Variants in SARNP observed in about 807,000 individuals in gnomAD.
The protein encoded by SARNP is SAP domain containing ribonucleoprotein.
In SARNP, 5 loss-of-function variants were observed where a neutral mutation model predicts 38.1. That is an observed-to-expected ratio of 0.13 (90% CI 0.07 to 0.28). The LOEUF (loss-of-function observed/expected upper bound fraction) is 0.28, where lower values mean the gene tolerates loss of function less well. SARNP is among the 10% of genes least tolerant of loss of function. The pLI is 1.00. For missense variants in SARNP, 180 were observed against 243.9 expected (o/e 0.74, Z 1.75); for synonymous variants, 84 against 80.6 (o/e 1.04, Z -0.23).
intron 8 of SARNP, 81 bp downstream of exon 8, chr12:55,790,486 A>C: frequency 7.1e-7 from 1 of 1,408,826 alleles, no homozygotes; most frequent in South Asian, 1.4e-5. Flanking sequence ...AGTTTCCTCT[A>C]ATCTGGGGAG....
intron 9 of SARNP, among the ~76,000 whole-genome samples, chr12:55,764,328 TC>T (rs761333746): frequency 6.6e-6 from 1 of 151,934 alleles, no homozygotes; most frequent in Non-Finnish European, 1.5e-5. Flanking sequence ...GGTCGGGAGT[TC>T]GAGACCAGCC....
At chr12:55,801,279 A>C (rs761137690) in intron 2 of SARNP, among the ~76,000 whole-genome samples, 142 of 152,120 alleles carry the variant, frequency 9.3e-4, no homozygotes, top group Non-Finnish European at 1.7e-3. Context: ...CGTCTTTACA[A>C]AAAACATAAA....
intron 9 of SARNP, among the ~76,000 whole-genome samples, chr12:55,777,782 T>C (rs1879225794): frequency 6.6e-6 from 1 of 152,188 alleles, no homozygotes. Flanking sequence ...TAGGGAATAG[T>C]GGGACAGTAG....
downstream of SARNP, chr12:55,756,215 G>A (rs1471117358): frequency 6.6e-6 from 1 of 152,184 alleles, no homozygotes; most frequent in African/African-American, 2.4e-5. Flanking sequence ...GGTTTATTTG[G>A]TTGAAGAGGT....
intron 9 of SARNP, among the ~76,000 whole-genome samples, chr12:55,788,045 G>A (rs1879556700): frequency 6.6e-6 from 1 of 152,112 alleles, no homozygotes; most frequent in South Asian, 2.1e-4. Flanking sequence ...CACCACGCCT[G>A]GCCCGATTTT....
intron 1 of SARNP, among the ~76,000 whole-genome samples, chr12:55,808,809 G>A (rs1051556671): frequency 2.0e-5 from 3 of 151,082 alleles, no homozygotes; most frequent in Non-Finnish European, 4.4e-5. Flanking sequence ...TAAAACAGCT[G>A]AAAATGATGT....
At position 55,796,006 on chromosome 12, in the gene SARNP, T is replaced by C. The variant is rs1439056212; in HGVS notation, c.303+19A>G. ...GAGAGAAATGTAGAGACTGTTCTAC[T>C]AGGGAGCAGAATACCTACCTCAGTC... On this transcript the variant is annotated intron_variant, in intron 5 of 10. Coordinates refer to ENST00000336133, the MANE Select transcript of SARNP (RefSeq NM_033082.4). 5.8e-6 allele frequency: 9 copies of C among 1,555,790 alleles called. No homozygotes were observed. The highest frequency in any genetic ancestry group is 1.4e-5 in the African/African-American group (1 of 73,750).
At position 55,816,318 on chromosome 12, in the gene SARNP, A is replaced by G. The variant is rs77042948; in HGVS notation, c.36+1348T>C. On this transcript the variant is annotated intron_variant, in intron 1 of 10. Coordinates refer to ENST00000336133, the MANE Select transcript of SARNP (RefSeq NM_033082.4). ...AACAGTCCAGAAGTATACAATTTCT[A>G]TAAGTACAGTATATATAAACAAAGT... 2.7e-3 allele frequency among the ~76,000 whole-genome samples: 413 copies of G among 152,352 alleles called. 5 individuals are homozygous for G. The East Asian group carries it at 0.035, about 13-fold the overall frequency.
intron 1 of SARNP, among the ~76,000 whole-genome samples, chr12:55,807,167 A>G (rs1880172039): frequency 6.6e-6 from 1 of 152,190 alleles, no homozygotes; most frequent in South Asian, 2.1e-4. Context: ...TACTTTCGCA[A>G]TAACAATAAA....
chr12:55,815,734 G>T (rs1026024609), intron 1 of SARNP, among the ~76,000 whole-genome samples: 2 of 152,156 alleles, frequency 1.3e-5, no homozygotes, highest in Non-Finnish European at 2.9e-5. Context: ...AAAGTGCTAG[G>T]ATTACAGACG....
At chr12:55,779,907 G>A (rs943555789) in intron 9 of SARNP, among the ~76,000 whole-genome samples, 2 of 152,294 alleles carry the variant, frequency 1.3e-5, no homozygotes, top group Non-Finnish European at 2.9e-5. Context: ...AGCAGTTTGC[G>A]AGACCAAGGC....
At chr12:55,767,736 A>G (rs192086266) in intron 9 of SARNP, among the ~76,000 whole-genome samples, 380 of 150,642 alleles carry the variant, frequency 2.5e-3, no homozygotes, top group African/African-American at 8.8e-3. Context: ...AGTCCCAGCT[A>G]CTCGGGAGGC....
chr12:55,809,062 C>T (rs539962638), intron 1 of SARNP, among the ~76,000 whole-genome samples: 42 of 152,028 alleles, frequency 2.8e-4, no homozygotes, highest in African/African-American at 9.9e-4. Context: ...CAAAAACAGC[C>T]AGGCATGGTG....
intron 9 of SARNP, among the ~76,000 whole-genome samples, chr12:55,776,208 G>A (rs548774026): frequency 6.6e-6 from 1 of 152,122 alleles, no homozygotes; most frequent in Non-Finnish European, 1.5e-5. Flanking sequence ...ACTTTGAGAG[G>A]CAAGAGGACT....
intron 1 of SARNP, chr12:55,815,979 C>G (rs1880470654): frequency 6.6e-6 from 1 of 152,236 alleles, no homozygotes; most frequent in South Asian, 2.1e-4. Context: ...GATTAAAGAG[C>G]AAGTCCTTTT....
In SARNP at chr12:55,772,037, C is replaced by T. The variant is rs61509415; in HGVS notation, c.502-11397G>A. Among the ~76,000 whole-genome samples the T allele has an allele frequency of 5.6e-3, 857 of 152,260 alleles. 3 individuals are homozygous for T. Among genetic ancestry groups the T allele is most frequent in the African/African-American group, 0.019 (798 of 41,540 alleles). The stretch of plus-strand genomic sequence containing the variant: ...AAAACACAGCTGTCACCTCCCCTGC[C>T]CCAGTTTCTGAAACTGTTTATTCCC... On this transcript the variant is annotated intron_variant, in intron 9 of 10. Transcript: ENST00000336133.
intron 9 of SARNP, among the ~76,000 whole-genome samples, chr12:55,775,334 TG>T (rs1158323167): frequency 2.6e-4 from 38 of 144,196 alleles, no homozygotes; most frequent in African/African-American, 9.6e-4. Flanking sequence ...CTGAGGTGGG[TG>T]GATCACCCAA....
At chr12:55,780,486 G>T (rs1485769674) in intron 9 of SARNP, among the ~76,000 whole-genome samples, 1 of 151,338 alleles carries the variant, frequency 6.6e-6, no homozygotes, top group East Asian at 1.9e-4. Context: ...GAAGAGAAGA[G>T]AAGAGAAAAG....
chr12:55,774,572 AAACAAAC>A (rs1363621113), intron 9 of SARNP, among the ~76,000 whole-genome samples: 35 of 62,536 alleles, frequency 5.6e-4, no homozygotes, highest in African/African-American at 2.1e-3. Context: ...AAAAAAAAAA[AAACAAAC>A]AAAAAAAAAA....
Sources: gnomAD v4.1 joint callset for allele counts (sites outside exome capture counted in the v4.1 genomes callset) on GRCh38, gnomAD v4.1.1 for gene constraint, MANE v1.5 for transcripts, NCBI Gene and HGNC (gene_info 2026-07-23, HGNC 2026-07-21) for gene names.